MGAT4C: variants seen among roughly 807,000 people sequenced by gnomAD.
The protein encoded by MGAT4C is alpha-1,3-mannosyl-glycoprotein 4-beta-N-acetylglucosaminyltransferase C.
In MGAT4C, 19 loss-of-function variants were observed where a neutral mutation model predicts 40.1. The ratio of observed to expected loss-of-function variants is 0.47; its 90% CI spans 0.33 to 0.70. The LOEUF (loss-of-function observed/expected upper bound fraction) is 0.70. Ranked by LOEUF, MGAT4C falls within the 30% of genes least tolerant of loss-of-function variation. The pLI, the probability that MGAT4C is intolerant of heterozygous loss-of-function variation, is 0.02. For missense variants in MGAT4C, 491 were observed against 563.2 expected (o/e 0.87, Z 1.30); for synonymous variants, 181 against 187.1 (o/e 0.97, Z 0.27).
intron 3 of MGAT4C, among the ~76,000 whole-genome samples, chr12:86,392,109 A>G (rs2136229129): frequency 6.6e-6 from 1 of 152,298 alleles, no homozygotes; most frequent in East Asian, 1.9e-4. Flanking sequence ...TTTACAATGT[A>G]ACAGTTGCAG....
At chr12:86,795,019 AATGAT>A (rs1392742980) in intron 1 of MGAT4C, among the ~76,000 whole-genome samples, 2 of 151,980 alleles carry the variant, frequency 1.3e-5, no homozygotes, top group Non-Finnish European at 2.9e-5. Flanking sequence ...ATATATTTAA[AATGAT>A]ATAAGCATAA....
chr12:86,266,196 G>C (rs1211523584), intron 4 of MGAT4C, among the ~76,000 whole-genome samples: 1 of 152,108 alleles, frequency 6.6e-6, no homozygotes. Flanking sequence ...TGGTGCAAGC[G>C]GGCATTCTTG....
intron 2 of MGAT4C, among the ~76,000 whole-genome samples, chr12:86,611,617 C>T (rs757552344): frequency 1.3e-5 from 2 of 152,148 alleles, no homozygotes; most frequent in African/African-American, 2.4e-5. Context: ...CTCCTTATCT[C>T]CTCGCATCTC....
chr12:86,027,476 G>C (rs1277241864), intron 2 of MGAT4C, among the ~76,000 whole-genome samples: 2 of 151,350 alleles, frequency 1.3e-5, no homozygotes, highest in East Asian at 3.9e-4. Context: ...CTATATTTCT[G>C]GCCCAGAGAA....
intron 1 of MGAT4C, among the ~76,000 whole-genome samples, chr12:86,141,852 C>T (rs995374242): frequency 2.0e-5 from 3 of 152,070 alleles, no homozygotes; most frequent in Non-Finnish European, 2.9e-5. Context: ...GTGGCTTCAG[C>T]GACTGGAAAT....
chr12:86,011,894 T>C, intron 2 of MGAT4C: 1 of 981,964 alleles, frequency 1.0e-6, no homozygotes, highest in African/African-American at 1.7e-5. Flanking sequence ...CCATGTCACA[T>C]GCTACTGCCT....
At position 86,680,194 on chromosome 12, in the gene MGAT4C, A is replaced by G. The variant is rs1033882505; in HGVS notation, c.-229+47015T>C. 2.0e-5 allele frequency among the ~76,000 whole-genome samples: 3 copies of G among 152,082 alleles called. No individual in the cohort carries two copies. In the East Asian group the frequency reaches 5.8e-4, roughly 29 times the overall value. ...TTCATATTATGAGATGAATGAACCC[A>G]TAATTTTAAATGCATGCAGACACAT... On this transcript the variant is annotated intron_variant, in intron 2 of 7. Transcript: ENST00000548651.
intron 4 of MGAT4C, among the ~76,000 whole-genome samples, chr12:86,313,018 A>G (rs1432027806): frequency 6.6e-6 from 1 of 152,176 alleles, no homozygotes; most frequent in African/African-American, 2.4e-5. Flanking sequence ...TGTGCATAAA[A>G]TGGAGCTCTA....
At chr12:86,796,905 C>T (rs924471802) in intron 1 of MGAT4C, among the ~76,000 whole-genome samples, 26 of 151,734 alleles carry the variant, frequency 1.7e-4, no homozygotes, top group Non-Finnish European at 4.4e-5. Flanking sequence ...ACAATACATA[C>T]AATTGTATCT....
intron 1 of MGAT4C, among the ~76,000 whole-genome samples, chr12:86,777,518 T>C (rs1056098746): frequency 6.6e-6 from 1 of 152,170 alleles, no homozygotes; most frequent in African/African-American, 2.4e-5. Flanking sequence ...CCGATGGGTA[T>C]GTTGGCAATA....
chr12:86,584,489 C>T (rs1341501233), intron 2 of MGAT4C, among the ~76,000 whole-genome samples: 6 of 150,940 alleles, frequency 4.0e-5, no homozygotes, highest in Non-Finnish European at 8.9e-5. Context: ...ATATATGTTG[C>T]TCAACCTAAA....
At chr12:86,572,798 A>G (rs1436462950) in intron 2 of MGAT4C, among the ~76,000 whole-genome samples, 6 of 151,978 alleles carry the variant, frequency 3.9e-5, no homozygotes, top group Admixed American at 3.9e-4. Context: ...TTTTTCACGG[A>G]GCCTGAAGCA....
intron 1 of MGAT4C, among the ~76,000 whole-genome samples, chr12:86,077,614 CTT>C (rs918560261): frequency 1.8e-4 from 27 of 152,328 alleles, no homozygotes; most frequent in African/African-American, 6.3e-4. Context: ...TCTGAATACA[CTT>C]TGCCTTCAGC....
At position 85,980,094 on chromosome 12, in the gene MGAT4C, T is replaced by C; in HGVS notation, c.632A>G (p.Asn211Ser). 2 of 1,613,834 alleles carry C rather than the reference T, an allele frequency of 1.2e-6. No individual in the cohort carries two copies. Among genetic ancestry groups the C allele is most frequent in the Middle Eastern group, 1.6e-4 (1 of 6,062 alleles). The stretch of plus-strand genomic sequence containing the variant: ...ATAGTCTGAAGTATTGGCACAAAAA[T>C]TAAGCAGAAAAGCATAATCTACATT... Reference protein sequence around the residue: ...KQNVDYAFLLNFCANTSDYYV... With the variant: ...KQNVDYAFLLSFCANTSDYYV... The change falls in exon 5 of 5, where the codon AAT (asparagine) becomes AGT (serine). Residue 211 changes from asparagine to serine, a missense_variant. Transcript: ENST00000611864.
At chr12:86,397,303 C>T (rs1176396123) in intron 3 of MGAT4C, among the ~76,000 whole-genome samples, 3 of 152,082 alleles carry the variant, frequency 2.0e-5, no homozygotes, top group Non-Finnish European at 4.4e-5. Context: ...CATCATCATG[C>T]TCATTTAGAC....
Position 85,969,809 on chromosome 12 carries a change from G to A in MGAT4C, c.*9480C>T, listed in dbSNP as rs2136656933. The stretch of plus-strand genomic sequence containing the variant: ...TTCATTTATTAGTTATGTGACCTTG[G>A]ACAAGTTAGTAAAACCCTATTTTTC... On this transcript the variant is annotated 3_prime_UTR_variant, in exon 5 of 5. Transcript: ENST00000611864. The A allele has an allele frequency of 6.6e-6, 1 of 151,364 alleles. No individual in the cohort carries two copies. Among genetic ancestry groups the A allele is most frequent in the Non-Finnish European group, 1.5e-5 (1 of 67,444 alleles). The allele number at this position is 151,364 out of a possible 1,614,324, so 9.4% of individuals were successfully genotyped here.
intron 2 of MGAT4C, among the ~76,000 whole-genome samples, chr12:86,553,230 T>C (rs546454318): frequency 9.2e-5 from 14 of 152,230 alleles, no homozygotes; most frequent in African/African-American, 3.4e-4. Flanking sequence ...ATTCTATTAA[T>C]TCTAATTGTT....
At chr12:86,641,140 C>T (rs1963370940) in intron 2 of MGAT4C, among the ~76,000 whole-genome samples, 1 of 151,788 alleles carries the variant, frequency 6.6e-6, no homozygotes, top group Non-Finnish European at 1.5e-5. Flanking sequence ...CAATGATAGA[C>T]TGGATTAAGA....
intron 1 of MGAT4C, among the ~76,000 whole-genome samples, chr12:86,105,713 T>C (rs996390265): frequency 6.6e-6 from 1 of 152,184 alleles, no homozygotes; most frequent in Non-Finnish European, 1.5e-5. Context: ...TCCTTTACGA[T>C]TCAATTCAGT....
Sources: allele counts gnomAD v4.1 joint callset (sites outside exome capture counted in the v4.1 genomes callset), GRCh38; gene constraint gnomAD v4.1.1; transcripts MANE v1.5; gene names NCBI Gene and HGNC (gene_info 2026-07-23, HGNC 2026-07-21).